Variants in CASP8 observed in about 807,000 individuals in gnomAD.
CASP8 encodes caspase 8, also known as caspase-8.
A neutral mutation model predicts 46.3 loss-of-function variants in CASP8; 24 were observed. The ratio of observed to expected loss-of-function variants is 0.52; its 90% CI spans 0.38 to 0.73. The LOEUF (loss-of-function observed/expected upper bound fraction) is 0.73, where lower values mean the gene tolerates loss of function less well. Among genes scored for constraint, CASP8 ranks in the 30% least tolerant of loss-of-function variants. The probability of loss-of-function intolerance (pLI) is 0.00; values close to 1 mark genes in which losing one functional copy is unlikely to be tolerated. For missense variants in CASP8, 460 were observed against 559.0 expected (o/e 0.82, Z 1.79); for synonymous variants, 188 against 200.4 (o/e 0.94, Z 0.52).
chr2:201,285,367 C>A, intron 8 of CASP8, 50 bp downstream of exon 8: 1 of 1,597,972 alleles, frequency 6.3e-7, no homozygotes, highest in Non-Finnish European at 8.5e-7. Context: ...CCTTCCCCCC[C>A]TACTCCATCA....
At chr2:201,257,990 A>G, upstream of CASP8, 1 of 504,510 alleles carries the variant, frequency 2.0e-6, no homozygotes, top group South Asian at 2.1e-5. Context: ...ATGGTTGGAA[A>G]TTGGGCATCT....
intron 5 of CASP8, among the ~76,000 whole-genome samples, chr2:201,273,593 T>C (rs1948435427): frequency 6.6e-6 from 1 of 152,212 alleles, no homozygotes; most frequent in Non-Finnish European, 1.5e-5. Context: ...TCAACTTCCT[T>C]TCACTTTTTC....
At chr2:201,245,978 C>T (rs1946500403) in intron 2 of CASP8, among the ~76,000 whole-genome samples, 1 of 151,336 alleles carries the variant, frequency 6.6e-6, no homozygotes, top group Admixed American at 6.6e-5. Context: ...AGCAATTCTC[C>T]TGCCTCAGCC....
chr2:201,261,221 G>A (rs376591251), intron 1 of CASP8, among the ~76,000 whole-genome samples: 6 of 151,854 alleles, frequency 4.0e-5, no homozygotes, highest in South Asian at 2.1e-4. Flanking sequence ...AAGAAACCCC[G>A]TCTCTACTAA....
At chr2:201,243,304 A>C (rs1031657503) in intron 2 of CASP8, among the ~76,000 whole-genome samples, 1 of 152,160 alleles carries the variant, frequency 6.6e-6, no homozygotes, top group Non-Finnish European at 1.5e-5. Context: ...TATACATAAA[A>C]AGGTCAATAC....
At chr2:201,238,781 T>A (rs1946167023) in intron 2 of CASP8, among the ~76,000 whole-genome samples, 1 of 152,170 alleles carries the variant, frequency 6.6e-6, no homozygotes, top group Admixed American at 6.5e-5. Flanking sequence ...ATTTATTTAT[T>A]TTTTAATTGA....
chr2:201,268,220 C>T (rs1947964808), intron 2 of CASP8, among the ~76,000 whole-genome samples: 1 of 152,238 alleles, frequency 6.6e-6, no homozygotes. Flanking sequence ...CCACCATGCC[C>T]AGCCAAGGCT....
chr2:201,258,478 G>A (rs1947148803), upstream of CASP8: 1 of 1,462,564 alleles, frequency 6.8e-7, no homozygotes, highest in Admixed American at 1.7e-5. Context: ...GGGTGGGGAA[G>A]CAACTTGGAT....
intron 2 of CASP8, among the ~76,000 whole-genome samples, chr2:201,268,954 T>TGA (rs1161787226): frequency 1.4e-5 from 2 of 146,826 alleles, no homozygotes; most frequent in African/African-American, 2.5e-5. Flanking sequence ...TGTGTGTGTG[T>TGA]GTGAGACAGT....
At position 201,281,933 on chromosome 2, in the gene CASP8, CTTTTT is replaced by C. The variant is rs540286536; in HGVS notation, c.803-2865_803-2861del. The C allele has an allele frequency of 1.0e-3, 261 of 261,850 alleles. 1 individual carries two copies. The highest frequency in any genetic ancestry group is 3.0e-3 in the South Asian group (46 of 15,180). 16.2% of individuals were successfully genotyped at this position (261,850 alleles called of 1,614,324 possible). On this transcript the variant is annotated intron_variant, in intron 7 of 8. Transcript: ENST00000673742. ...TGCTCTTGAATTTCTGGTTCAAATTCTTTTTTTTTTTTTTTTTTTTTTATTGATCA... is the reference window on the plus strand; with the variant it reads ...TGCTCTTGAATTTCTGGTTCAAATTCTTTTTTTTTTTTTTTTTATTGATCA...
intron 7 of CASP8, among the ~76,000 whole-genome samples, chr2:201,280,188 A>G (rs1267326558): frequency 6.6e-6 from 1 of 152,214 alleles, no homozygotes. Flanking sequence ...TGAGCACCAA[A>G]ATGAAAAATT....
At chr2:201,253,738 TA>T (rs910483251) in intron 2 of CASP8, among the ~76,000 whole-genome samples, 8 of 152,154 alleles carry the variant, frequency 5.3e-5, no homozygotes, top group Admixed American at 2.6e-4. Flanking sequence ...TATGGGCATA[TA>T]GTGCCTCAAG....
chr2:201,274,098 C>T (rs1049573545), intron 5 of CASP8, among the ~76,000 whole-genome samples: 3 of 152,104 alleles, frequency 2.0e-5, no homozygotes, highest in Non-Finnish European at 2.9e-5. Flanking sequence ...TACGTTGGCT[C>T]TTTGTGGTGT....
At chr2:201,262,216 C>T (rs1253342472) in intron 1 of CASP8, 2 of 152,064 alleles carry the variant, frequency 1.3e-5, no homozygotes, top group Non-Finnish European at 2.9e-5. Flanking sequence ...CTCTTACTAG[C>T]TTATTTCCAA....
At chr2:201,283,563 C>T (rs1486081541) in intron 7 of CASP8, among the ~76,000 whole-genome samples, 5 of 82,890 alleles carry the variant, frequency 6.0e-5, no homozygotes, top group Admixed American at 9.6e-5. Context: ...GCTGGCCGGG[C>T]GGGGGGCTGA....
intron 2 of CASP8, among the ~76,000 whole-genome samples, chr2:201,237,085 ATTTTT>A (rs34775964): frequency 3.4e-5 from 3 of 88,080 alleles, no homozygotes; most frequent in African/African-American, 1.4e-4. Flanking sequence ...ACCCCTTTCT[ATTTTT>A]TTTTTTTTTT....
At chr2:201,273,797 C>T (rs1948453503) in intron 5 of CASP8, among the ~76,000 whole-genome samples, 2 of 152,018 alleles carry the variant, frequency 1.3e-5, no homozygotes, top group Admixed American at 1.3e-4. Flanking sequence ...GCCTCAACCC[C>T]CTGAGTAGCT....
At chr2:201,281,422 T>C (rs1372388630) in intron 7 of CASP8, among the ~76,000 whole-genome samples, 1 of 152,160 alleles carries the variant, frequency 6.6e-6, no homozygotes, top group Non-Finnish European at 1.5e-5. Flanking sequence ...AATGCGAAAG[T>C]CTAAAATTTA....
At chr2:201,239,670 C>A (rs1427585670) in intron 2 of CASP8, among the ~76,000 whole-genome samples, 2 of 152,146 alleles carry the variant, frequency 1.3e-5, no homozygotes, top group Non-Finnish European at 2.9e-5. Flanking sequence ...TGGCTACTTT[C>A]AGTTTCCTTC....
Sources: gnomAD v4.1 joint callset for allele counts (sites outside exome capture counted in the v4.1 genomes callset) on GRCh38, gnomAD v4.1.1 for gene constraint, MANE v1.5 for transcripts, NCBI Gene and HGNC (gene_info 2026-07-23, HGNC 2026-07-21) for gene names.